Variants in DPP4 observed in about 807,000 individuals in gnomAD.
DPP4 encodes dipeptidyl peptidase 4.
A neutral mutation model predicts 122.4 loss-of-function variants in DPP4; 93 were observed. The observed-to-expected ratio is 0.76, with a 90% confidence interval of 0.64 to 0.90. The LOEUF (loss-of-function observed/expected upper bound fraction) is 0.90. DPP4 is among the 40% of genes least tolerant of loss of function. The pLI is 0.00. For missense variants in DPP4, 914 were observed against 907.3 expected, an observed-to-expected ratio of 1.01 and a Z score of -0.09; for synonymous variants, 321 against 302.9, an observed-to-expected ratio of 1.06 and a Z score of -0.62.
chr2:162,041,238 A>C (rs1683974931), intron 5 of DPP4, among the ~76,000 whole-genome samples: 1 of 152,182 alleles, frequency 6.6e-6, no homozygotes, highest in Non-Finnish European at 1.5e-5. Flanking sequence ...ATAAAAATTA[A>C]AGGTATTTTC....
In DPP4 at chr2:162,039,020, G is replaced by C; in HGVS notation, c.421C>G (p.Gln141Glu). The part of the protein sequence containing the change: ...SYDIYDLNKR[Q>E]LITEERIPNN... ...GGAATCCTCTCTTCTGTAATCAGCT[G>C]CCTGGAAAAAAGATGAAAGGAAATA... The change falls in exon 7 of 26, where the codon CAG (glutamine) becomes GAG (glutamate). Residue 141 changes from glutamine to glutamate, a missense_variant and splice_region_variant. Transcript: ENST00000360534. The C allele has an allele frequency of 1.2e-6, 2 of 1,613,260 alleles. No individual in the cohort carries two copies. Among genetic ancestry groups the C allele is most frequent in the South Asian group, 1.1e-5 (1 of 91,050 alleles).
chr2:162,039,115 A>G lies in DPP4; in HGVS notation c.419+17T>C, dbSNP rs1683897227. ...ACAGTAGGAAAGCCTAATAGATTTT[A>G]TTGGGAAGTCACTGACCTTTTATTT... On this transcript the variant is annotated intron_variant, in intron 6 of 25. Coordinates refer to ENST00000360534, the MANE Select transcript of DPP4 (RefSeq NM_001935.4). 3.1e-6 allele frequency: 5 copies of G among 1,612,664 alleles called. No homozygotes were observed. Among genetic ancestry groups the G allele is most frequent in the Non-Finnish European group, 4.2e-6 (5 of 1,178,972 alleles).
chr2:162,034,304 GT>G (rs1182372117), intron 9 of DPP4, among the ~76,000 whole-genome samples: 3 of 151,906 alleles, frequency 2.0e-5, no homozygotes, highest in South Asian at 2.1e-4. Flanking sequence ...ACTTTATGGA[GT>G]TTTTTTTGTA....
In DPP4 at chr2:162,071,858, T is replaced by C. The variant is rs1387078599; in HGVS notation, c.94+1541A>G. On this transcript the variant is annotated intron_variant, in intron 2 of 25. Coordinates refer to ENST00000360534, the MANE Select transcript of DPP4 (RefSeq NM_001935.4). The stretch of plus-strand genomic sequence containing the variant: ...AGCAAGCCTCAGATCCCTAGGCCTT[T>C]TCACTGGCCATCTCAAGTGGCTTAT... Among the ~76,000 whole-genome samples the C allele has an allele frequency of 9.9e-5, 15 of 152,232 alleles. No homozygotes were observed. The South Asian group carries it at 2.9e-3, about 29-fold the overall frequency.
At position 162,020,648 on chromosome 2, in the gene DPP4, C is replaced by T. The variant is rs1376940007; in HGVS notation, c.1109G>A (p.Ser370Asn). Residue 370 changes from serine to asparagine, a missense_variant, in exon 13 of 26, where the codon AGC becomes AAC. Transcript: ENST00000360534. The part of the protein sequence containing the change: ...SEPHFTLDGN[S>N]FYKIISNEEG... ...TTCATTGCTGATGATCTTGTAGAAG[C>T]TATTACCATCAAGGGTAAAATGAGG... The T allele has an allele frequency of 1.2e-6, 2 of 1,612,466 alleles. No homozygotes were observed. The highest frequency in any genetic ancestry group is 4.5e-5 in the East Asian group (2 of 44,800).
chr2:162,057,531 C>T (rs1684618293), intron 2 of DPP4, among the ~76,000 whole-genome samples: 2 of 152,182 alleles, frequency 1.3e-5, no homozygotes, highest in Admixed American at 1.3e-4. Flanking sequence ...TGACAGCATG[C>T]ACCCAGCAGT....
intron 21 of DPP4, among the ~76,000 whole-genome samples, 186 bp from the exon 22 acceptor site, chr2:162,008,847 T>C (rs1318062508): frequency 1.3e-5 from 2 of 152,184 alleles, no homozygotes; most frequent in Admixed American, 6.5e-5. Flanking sequence ...TTCAGAGCCC[T>C]GATCCCTTTC....
Position 162,038,466 on chromosome 2 carries a change from A to C in DPP4, c.493-44T>G, listed in dbSNP as rs200375544. On this transcript the variant is annotated intron_variant, in intron 7 of 25. Coordinates refer to ENST00000360534, the MANE Select transcript of DPP4 (RefSeq NM_001935.4). ...AGCATTGATATCTATAATACATGTCATATTTTTATCCCGGAATTGTAGAAA... is the reference window on the plus strand; with the variant it reads ...AGCATTGATATCTATAATACATGTCCTATTTTTATCCCGGAATTGTAGAAA... 1.3e-4 allele frequency: 200 copies of C among 1,555,928 alleles called. 1 individual carries two copies. Among genetic ancestry groups the C allele is most frequent in the Non-Finnish European group, 1.6e-4 (182 of 1,149,616 alleles).
In DPP4 at chr2:162,053,299, C is replaced by T. The variant is rs1370230713; in HGVS notation, c.95-5798G>A. 2.0e-5 allele frequency among the ~76,000 whole-genome samples: 3 copies of T among 152,308 alleles called. No homozygotes were observed. The East Asian group carries it at 5.8e-4, about 29-fold the overall frequency. On this transcript the variant is annotated intron_variant, in intron 2 of 25. Transcript: ENST00000360534. ...CATTTTGGAGATTATTGCTGCTGTC[C>T]CTCCCATCACAGGCCCAGAGTGCCA...
intron 23 of DPP4, among the ~76,000 whole-genome samples, chr2:162,002,264 A>G (rs1278363499): frequency 2.0e-5 from 3 of 152,204 alleles, no homozygotes; most frequent in Non-Finnish European, 4.4e-5. Context: ...AATGGTGAGT[A>G]GGACTTTGAT....
At chr2:162,000,152 C>T (rs1036864682) in intron 23 of DPP4, among the ~76,000 whole-genome samples, 5 of 152,106 alleles carry the variant, frequency 3.3e-5, no homozygotes, top group African/African-American at 9.7e-5. Context: ...CAACCCAGCA[C>T]TTCAGTAAGA....
chr2:162,018,830 G>A lies in DPP4; in HGVS notation c.1319C>T (p.Thr440Ile), dbSNP rs374753417. The stretch of plus-strand genomic sequence containing the variant: ...CTCACAACTGAGGCATGTCACTTTT[G>A]TATAGTCACTAAGTTGGATTCTGTA... The part of the protein sequence containing the change: ...NLYKIQLSDY[T>I]KVTCLSCELN... The change falls in exon 16 of 26, where the codon ACA becomes ATA. Residue 440 changes from threonine to isoleucine, a missense_variant. By Grantham distance (89) the Thr-to-Ile change is moderately conservative. Transcript: ENST00000360534. 1 of 1,614,128 alleles carries A rather than the reference G, an allele frequency of 6.2e-7. No homozygotes were observed. The highest frequency in any genetic ancestry group is 1.3e-5 in the African/African-American group (1 of 75,036).
intron 2 of DPP4, among the ~76,000 whole-genome samples, chr2:162,063,941 T>C (rs6719154): frequency 0.027 from 4,053 of 152,176 alleles, 179 homozygotes; most frequent in African/African-American, 0.092. Flanking sequence ...AGCTGGAGCC[T>C]AATCTTTCAG....
Position 162,047,484 on chromosome 2 carries a change from C to G in DPP4, c.112G>C (p.Asp38His). The G allele has an allele frequency of 6.3e-7, 1 of 1,575,158 alleles. No individual in the cohort carries two copies. The highest frequency in any genetic ancestry group is 8.7e-7 in the Non-Finnish European group (1 of 1,154,320). ...LNKGTDDATA[D>H]SRKTYTLTDY... ...GTTAGAGTGTAAGTTTTGCGACTGTCAGCTGTAGCATCATCTGCTGGTTGA... is the reference window on the plus strand; with the variant it reads ...GTTAGAGTGTAAGTTTTGCGACTGTGAGCTGTAGCATCATCTGCTGGTTGA... Residue 38 changes from aspartate (D) to histidine (H), a missense_variant, in exon 3 of 26, where the codon GAC becomes CAC. Asp to His is a moderately conservative substitution (Grantham distance 81, BLOSUM62 -1). Coordinates refer to ENST00000360534, the MANE Select transcript of DPP4 (RefSeq NM_001935.4).
chr2:162,006,661 A>G (rs950121739), intron 22 of DPP4, among the ~76,000 whole-genome samples: 4 of 152,190 alleles, frequency 2.6e-5, no homozygotes, highest in African/African-American at 9.6e-5. Context: ...ATAGTTAAAC[A>G]TATTTTGCCT....
At position 162,060,013 on chromosome 2, in the gene DPP4, A is replaced by G. The variant is rs1207812764; in HGVS notation, c.95-12512T>C. Among the ~76,000 whole-genome samples the G allele has an allele frequency of 1.3e-5, 2 of 152,220 alleles. 1 individual carries two copies. ...TAAGGAGACTGAGGCACAGATAGGC[A>G]CAGCCAGTAACTAGACTAAAATTCT... On this transcript the variant is annotated intron_variant, in intron 2 of 25. Coordinates refer to ENST00000360534, the MANE Select transcript of DPP4 (RefSeq NM_001935.4).
chr2:162,056,867 T>C (rs1490931797), intron 2 of DPP4, among the ~76,000 whole-genome samples: 1 of 152,194 alleles, frequency 6.6e-6, no homozygotes, highest in Non-Finnish European at 1.5e-5. Context: ...TATTGTCAAG[T>C]TGTCAAGACC....
At chr2:162,072,925 C>T (rs984700829) in intron 2 of DPP4, among the ~76,000 whole-genome samples, 2 of 152,122 alleles carry the variant, frequency 1.3e-5, no homozygotes, top group Non-Finnish European at 2.9e-5. Flanking sequence ...AGTCTGGGTT[C>T]CCTGTGGAAC....
intron 5 of DPP4, among the ~76,000 whole-genome samples, chr2:162,039,759 A>AC (rs1256977817): frequency 2.6e-5 from 4 of 151,858 alleles, no homozygotes; most frequent in Admixed American, 2.6e-4. Context: ...GGGAAATAAA[A>AC]TTTTTTTTTA....
Sources: gnomAD v4.1 joint callset for allele counts (sites outside exome capture counted in the v4.1 genomes callset) on GRCh38, gnomAD v4.1.1 for gene constraint, MANE v1.5 for transcripts, NCBI Gene and HGNC (gene_info 2026-07-23, HGNC 2026-07-21) for gene names.